TMEM117: variants seen among roughly 807,000 people sequenced by gnomAD.
TMEM117 encodes transmembrane protein 117.
TMEM117 carries 27 observed loss-of-function variants against 52.4 expected under a neutral mutation model. The ratio of observed to expected loss-of-function variants is 0.51; its 90% confidence interval spans 0.38 to 0.71. The LOEUF is 0.71. Among genes scored for constraint, TMEM117 ranks in the 30% least tolerant of loss-of-function variants. The pLI is 0.00. For missense variants in TMEM117, 556 were observed against 630.5 expected (o/e 0.88, Z 1.26); for synonymous variants, 215 against 206.3 (o/e 1.04, Z -0.36).
intron 3 of TMEM117, among the ~76,000 whole-genome samples, chr12:43,958,799 T>TGTTTG (rs1555188003): frequency 1.0e-3 from 153 of 151,110 alleles, no homozygotes; most frequent in Non-Finnish European, 1.6e-3. Flanking sequence ...TGGTTTCTTT[T>TGTTTG]TTTGTTAGTT....
At chr12:44,001,894 C>T (rs893608426) in intron 3 of TMEM117, among the ~76,000 whole-genome samples, 2 of 152,158 alleles carry the variant, frequency 1.3e-5, no homozygotes, top group African/African-American at 4.8e-5. Context: ...AGGATTCTGC[C>T]TTTCCAGGGG....
At chr12:44,212,668 T>A (rs1317998613) in intron 5 of TMEM117, among the ~76,000 whole-genome samples, 1 of 152,132 alleles carries the variant, frequency 6.6e-6, no homozygotes, top group East Asian at 1.9e-4. Flanking sequence ...TCTTGGAATG[T>A]ACGCCCACCA....
At chr12:43,825,945 C>T in the TMEM117 span, among the ~76,000 whole-genome samples, 5 of 152,214 alleles carry the variant, frequency 3.3e-5, no homozygotes, top group Non-Finnish European at 7.3e-5. Flanking sequence ...GTATAAACAA[C>T]TGCCTAATAG....
chr12:44,194,880 C>G (rs969644428), intron 4 of TMEM117, among the ~76,000 whole-genome samples: 1 of 152,028 alleles, frequency 6.6e-6, no homozygotes, highest in Non-Finnish European at 1.5e-5. Context: ...AGTTTGAGCA[C>G]AGGAGCATAT....
intron 4 of TMEM117, among the ~76,000 whole-genome samples, chr12:44,172,605 G>A (rs1414079591): frequency 3.3e-5 from 5 of 152,148 alleles, no homozygotes; most frequent in Admixed American, 2.0e-4. Context: ...CACATTCTCT[G>A]GGGGCTAGGA....
intron 3 of TMEM117, among the ~76,000 whole-genome samples, chr12:44,136,134 A>G (rs764522601): frequency 4.4e-4 from 67 of 152,188 alleles, no homozygotes; most frequent in Non-Finnish European, 4.4e-5. Flanking sequence ...AAATGTGACT[A>G]AATTAATTAT....
chr12:44,105,210 C>A (rs1947932233), intron 3 of TMEM117, among the ~76,000 whole-genome samples: 1 of 151,716 alleles, frequency 6.6e-6, no homozygotes, highest in South Asian at 2.1e-4. Context: ...TTTCTATTGA[C>A]ATAGCCTCAA....
At chr12:44,356,205 C>A (rs1951645849) in intron 6 of TMEM117, among the ~76,000 whole-genome samples, 1 of 152,024 alleles carries the variant, frequency 6.6e-6, no homozygotes, top group African/African-American at 2.4e-5. Context: ...ATAGAAAAAT[C>A]TGATATGATA....
intron 2 of TMEM117, among the ~76,000 whole-genome samples, chr12:43,887,920 G>A (rs923241282): frequency 3.3e-5 from 5 of 152,170 alleles, no homozygotes; most frequent in Non-Finnish European, 7.4e-5. Flanking sequence ...GATCAAAATA[G>A]CAGTTACAGA....
intron 5 of TMEM117, among the ~76,000 whole-genome samples, chr12:44,252,085 TAC>T (rs76118129): frequency 0.017 from 2,641 of 152,382 alleles, 60 homozygotes; most frequent in East Asian, 0.057. Context: ...TCAATTTATC[TAC>T]AGTCTTCTCT....
chr12:43,999,655 A>G (rs1209347634), intron 3 of TMEM117, among the ~76,000 whole-genome samples: 1 of 151,702 alleles, frequency 6.6e-6, no homozygotes, highest in African/African-American at 2.4e-5. Flanking sequence ...TATTTTTGTT[A>G]TTTGTTTTTC....
chr12:44,303,669 A>C (rs1950870200), intron 6 of TMEM117, among the ~76,000 whole-genome samples: 1 of 152,178 alleles, frequency 6.6e-6, no homozygotes, highest in Admixed American at 6.5e-5. Flanking sequence ...ACTTTATCTC[A>C]GTTTCTGTTA....
intron 5 of TMEM117, among the ~76,000 whole-genome samples, chr12:44,291,103 A>G (rs1950698123): frequency 6.6e-6 from 1 of 152,218 alleles, no homozygotes; most frequent in South Asian, 2.1e-4. Context: ...TTTTAGCAGT[A>G]TTAATTATTC....
At chr12:44,102,794 TCC>T (rs1424563633) in intron 3 of TMEM117, among the ~76,000 whole-genome samples, 1 of 151,958 alleles carries the variant, frequency 6.6e-6, no homozygotes, top group African/African-American at 2.4e-5. Flanking sequence ...GTTTCCATAA[TCC>T]CCACTTGTTG....
At chr12:44,304,144 C>T (rs1432355986) in intron 6 of TMEM117, among the ~76,000 whole-genome samples, 4 of 152,198 alleles carry the variant, frequency 2.6e-5, no homozygotes, top group Admixed American at 2.6e-4. Flanking sequence ...TCTCTTCCCC[C>T]ATCCCCCAGC....
chr12:43,900,696 C>A (rs143570086), intron 2 of TMEM117, among the ~76,000 whole-genome samples: 1 of 146,446 alleles, frequency 6.8e-6, no homozygotes, highest in Non-Finnish European at 1.5e-5. Context: ...CCAGCCTGGG[C>A]GACAGAGTGA....
chr12:44,061,798 T>C (rs903955354), intron 3 of TMEM117, among the ~76,000 whole-genome samples: 1 of 152,114 alleles, frequency 6.6e-6, no homozygotes, highest in African/African-American at 2.4e-5. Context: ...GTTGAGGTAA[T>C]AAATTTATGG....
At chr12:44,034,391 G>A (rs771041000) in intron 3 of TMEM117, among the ~76,000 whole-genome samples, 3 of 152,140 alleles carry the variant, frequency 2.0e-5, no homozygotes, top group Admixed American at 1.3e-4. Context: ...TTATCTTTGC[G>A]TGGTATAGCA....
chr12:43,796,157 T>C, the TMEM117 span, among the ~76,000 whole-genome samples: 2 of 152,164 alleles, frequency 1.3e-5, no homozygotes, highest in African/African-American at 2.4e-5. Flanking sequence ...CAAGGTAAGA[T>C]TGTTTTACAT....
Sources: allele counts gnomAD v4.1 joint callset (sites outside exome capture counted in the v4.1 genomes callset), GRCh38; gene constraint gnomAD v4.1.1; transcripts MANE v1.5; gene names NCBI Gene and HGNC (gene_info 2026-07-23, HGNC 2026-07-21).